PTPRG: variants seen among roughly 807,000 people sequenced by gnomAD.
The protein encoded by PTPRG is receptor-type tyrosine-protein phosphatase gamma.
Under a neutral mutation model 165.3 loss-of-function variants are expected in PTPRG, and 102 were observed. That is an observed-to-expected ratio of 0.62 (90% CI 0.53 to 0.73). The LOEUF (loss-of-function observed/expected upper bound fraction) is 0.73. PTPRG is among the 30% of genes least tolerant of loss of function. The pLI, the probability that PTPRG is intolerant of heterozygous loss-of-function variation, is 0.00. For missense variants in PTPRG, 1,866 were observed against 1,861.4 expected (o/e 1.00, Z -0.05); for synonymous variants, 675 against 669.5 (o/e 1.01, Z -0.13).
intron 1 of PTPRG, among the ~76,000 whole-genome samples, chr3:61,570,267 T>A (rs1384790382): frequency 6.6e-6 from 1 of 152,156 alleles, no homozygotes; most frequent in African/African-American, 2.4e-5. Context: ...TTTCTTTTTT[T>A]TTTTTGCAGA....
At chr3:61,982,997 AAC>A (rs1436384155) in intron 2 of PTPRG, among the ~76,000 whole-genome samples, 1 of 152,176 alleles carries the variant, frequency 6.6e-6, no homozygotes, top group Non-Finnish European at 1.5e-5. Context: ...TTAAATTTAA[AAC>A]CAAAAAATGT....
chr3:62,286,922 T>C (rs1003505377), intron 28 of PTPRG, among the ~76,000 whole-genome samples: 17 of 152,186 alleles, frequency 1.1e-4, no homozygotes, highest in African/African-American at 4.1e-4. Context: ...TCTGTCATTA[T>C]GTTTGGTATG....
rs73838882 is a variant in PTPRG, at chr3:61,653,379, T to G, written c.85+91007T>G. On this transcript the variant is annotated intron_variant, in intron 1 of 29. Coordinates refer to ENST00000474889, the MANE Select transcript of PTPRG (RefSeq NM_002841.4). ...CATATTTGTCTCCTGTTCCTTGTCA[T>G]TTTTAGCAGCTGCAATAGTGATCCT... Among the ~76,000 whole-genome samples the G allele has an allele frequency of 9.1e-3, 1,381 of 152,312 alleles. 26 individuals carry two copies. The highest frequency in any genetic ancestry group is 0.029 in the African/African-American group (1,200 of 41,556).
chr3:62,156,434 C>A (rs993086299), intron 6 of PTPRG, among the ~76,000 whole-genome samples: 4 of 152,098 alleles, frequency 2.6e-5, no homozygotes, highest in African/African-American at 9.7e-5. Context: ...GGGAAGATAC[C>A]GCCACATTTG....
rs373205462 is a variant in PTPRG at position 62,113,037 on chromosome 3, C to A, written c.616-19565C>A. Among the ~76,000 whole-genome samples, 213 of 152,270 alleles carry A rather than the reference C, an allele frequency of 1.4e-3. 4 individuals carry two copies. In the South Asian group the frequency reaches 0.041, roughly 30 times the overall value. On this transcript the variant is annotated intron_variant, in intron 5 of 29. Transcript: ENST00000474889. ...AATTCTTGGGGCAAAAAAAATGATT[C>A]ATGTCTGAGAGATGATTTAACTTTG...
intron 4 of PTPRG, among the ~76,000 whole-genome samples, chr3:62,061,032 A>G (rs763964634): frequency 6.6e-6 from 1 of 152,226 alleles, no homozygotes; most frequent in Non-Finnish European, 1.5e-5. Context: ...TCCTTCTGCT[A>G]TTATAAATAA....
intron 5 of PTPRG, among the ~76,000 whole-genome samples, chr3:62,085,198 T>G (rs1701708576): frequency 6.6e-6 from 1 of 152,214 alleles, no homozygotes; most frequent in South Asian, 2.1e-4. Flanking sequence ...CCTCTGTGTT[T>G]TATCACATTA....
intron 1 of PTPRG, among the ~76,000 whole-genome samples, chr3:61,721,289 T>C (rs2032032978): frequency 6.6e-6 from 1 of 152,238 alleles, no homozygotes; most frequent in Non-Finnish European, 1.5e-5. Flanking sequence ...CAGTTTTGAT[T>C]GTGCTGTTAA....
chr3:61,669,793 T>G (rs1159396652), intron 1 of PTPRG, among the ~76,000 whole-genome samples: 4 of 152,202 alleles, frequency 2.6e-5, no homozygotes, highest in Non-Finnish European at 5.9e-5. Flanking sequence ...GTGGCATATC[T>G]TGGCACTGTG....
At chr3:61,621,633 G>T (rs1575544041) in intron 1 of PTPRG, among the ~76,000 whole-genome samples, 1 of 152,138 alleles carries the variant, frequency 6.6e-6, no homozygotes, top group African/African-American at 2.4e-5. Context: ...AGGGGAGATT[G>T]GGACACAGTA....
intron 7 of PTPRG, among the ~76,000 whole-genome samples, chr3:62,165,483 C>T (rs1298197759): frequency 6.6e-6 from 1 of 152,084 alleles, no homozygotes; most frequent in African/African-American, 2.4e-5. Context: ...TCCAATTTTC[C>T]TAATTTTTCT....
chr3:62,063,598 A>G (rs1361130482), intron 4 of PTPRG, among the ~76,000 whole-genome samples: 1 of 152,220 alleles, frequency 6.6e-6, no homozygotes, highest in African/African-American at 2.4e-5. Flanking sequence ...TACACTTTTT[A>G]GTAGAGCAGC....
chr3:61,620,106 A>C (rs547710122), intron 1 of PTPRG, among the ~76,000 whole-genome samples: 5 of 152,028 alleles, frequency 3.3e-5, no homozygotes, highest in African/African-American at 9.7e-5. Context: ...TAATAAAAGG[A>C]CTTTCTTGAA....
At chr3:62,218,622 C>G (rs759463928) in intron 12 of PTPRG, among the ~76,000 whole-genome samples, 1 of 152,178 alleles carries the variant, frequency 6.6e-6, no homozygotes, top group African/African-American at 2.4e-5. Flanking sequence ...ATCTGTAAAT[C>G]CATATAACTG....
intron 2 of PTPRG, among the ~76,000 whole-genome samples, chr3:61,757,787 T>G (rs2033681250): frequency 6.6e-6 from 1 of 152,216 alleles, no homozygotes; most frequent in Non-Finnish European, 1.5e-5. Context: ...GTCAAACATC[T>G]TTTTTCTTGG....
intron 5 of PTPRG, among the ~76,000 whole-genome samples, chr3:62,116,389 G>T (rs528692300): frequency 3.9e-5 from 6 of 152,110 alleles, no homozygotes; most frequent in Non-Finnish European, 7.4e-5. Flanking sequence ...CATCAAGTTG[G>T]TGATGCTTTA....
intron 2 of PTPRG, among the ~76,000 whole-genome samples, chr3:61,976,661 G>A (rs181157832): frequency 6.6e-6 from 1 of 151,814 alleles, no homozygotes; most frequent in Non-Finnish European, 1.5e-5. Context: ...ACATGGAAAA[G>A]ACTGTAGGGT....
chr3:62,003,345 A>C lies in PTPRG; in HGVS notation c.371-4A>C, dbSNP rs749788211. The C allele has an allele frequency of 1.4e-5, 23 of 1,610,768 alleles. No homozygotes were observed. Among genetic ancestry groups the C allele is most frequent in the Non-Finnish European group, 2.0e-5 (23 of 1,179,060 alleles). ...TTTCCTCTCTTCTCATTTGTTTCAC[A>C]CAGTCGCCATCCTTCTGAAAGACGA... On this transcript the variant is annotated splice_polypyrimidine_tract_variant and splice_region_variant and intron_variant, in intron 3 of 29. Transcript: ENST00000474889.
intron 3 of PTPRG, among the ~76,000 whole-genome samples, chr3:62,002,248 A>G (rs2041187768): frequency 6.6e-6 from 1 of 152,210 alleles, no homozygotes; most frequent in Admixed American, 6.5e-5. Flanking sequence ...ATGGAGACCT[A>G]ATTTTCATGC....
Sources: allele counts gnomAD v4.1 joint callset (sites outside exome capture counted in the v4.1 genomes callset), GRCh38; gene constraint gnomAD v4.1.1; transcripts MANE v1.5; gene names NCBI Gene and HGNC (gene_info 2026-07-23, HGNC 2026-07-21).